Variants in RBKS observed in about 807,000 individuals in gnomAD.
The protein encoded by RBKS is ribokinase.
In RBKS, 33 loss-of-function variants were observed where a neutral mutation model predicts 33.9. The observed-to-expected ratio is 0.97, with a 90% CI of 0.74 to 1.30. The LOEUF is 1.30. RBKS is among the 50% of genes most tolerant of loss of function. RBKS has a pLI of 0.00. For synonymous variants in RBKS, 125 were observed against 143.0 expected (o/e 0.87, Z 0.90); for missense variants, 361 against 392.6 (o/e 0.92, Z 0.68).
chr2:27,876,539 G>T (rs896879711), intron 1 of RBKS, among the ~76,000 whole-genome samples: 1 of 152,110 alleles, frequency 6.6e-6, no homozygotes, highest in Non-Finnish European at 1.5e-5. Context: ...AGGACGTTAT[G>T]CTAAGTGAAA....
chr2:27,823,976 A>G (rs1678265371), intron 7 of RBKS, among the ~76,000 whole-genome samples: 2 of 152,138 alleles, frequency 1.3e-5, no homozygotes, highest in South Asian at 4.1e-4. Flanking sequence ...TTGTCCGACC[A>G]TTACCACTGA....
At chr2:27,866,839 C>T (rs1021930582) in intron 1 of RBKS, among the ~76,000 whole-genome samples, 1 of 152,152 alleles carries the variant, frequency 6.6e-6, no homozygotes, top group Admixed American at 6.5e-5. Flanking sequence ...CATGGTTGCT[C>T]ATGCCTGTAA....
intron 7 of RBKS, among the ~76,000 whole-genome samples, chr2:27,819,271 CTT>C (rs1399265918): frequency 6.6e-6 from 1 of 151,928 alleles, no homozygotes; most frequent in Non-Finnish European, 1.5e-5. Context: ...TCACATGACT[CTT>C]TGTGTGCACA....
chr2:27,834,410 T>G (rs972927154), intron 5 of RBKS, among the ~76,000 whole-genome samples: 1 of 152,234 alleles, frequency 6.6e-6, no homozygotes, highest in African/African-American at 2.4e-5. Flanking sequence ...AGAAAATGGA[T>G]GTAAAAGCCC....
rs897010468 is a variant in RBKS, at chr2:27,796,115, T to C, written c.796-14327A>G. On this transcript the variant is annotated intron_variant, in intron 7 of 7. Transcript: ENST00000302188. ...TTAGGTTGCCATGGCCCAGAGTTAC[T>C]TGACATTCTCATTGTTGAATCTATT... Among the ~76,000 whole-genome samples the C allele has an allele frequency of 2.0e-5, 3 of 152,354 alleles. No individual in the cohort carries two copies. The South Asian group carries it at 6.2e-4, about 32-fold the overall frequency.
At chr2:27,808,402 C>G (rs1677931597) in intron 7 of RBKS, among the ~76,000 whole-genome samples, 1 of 152,202 alleles carries the variant, frequency 6.6e-6, no homozygotes. Flanking sequence ...ATAGTAACTG[C>G]ATCACTTGGA....
chr2:27,866,575 A>AT (rs952370302), intron 1 of RBKS, among the ~76,000 whole-genome samples: 35 of 151,570 alleles, frequency 2.3e-4, no homozygotes, highest in Non-Finnish European at 1.0e-4. Flanking sequence ...GACACTGTGC[A>AT]TTTTTTTTCT....
chr2:27,886,117 G>C (rs991513924), intron 1 of RBKS, among the ~76,000 whole-genome samples: 1 of 152,108 alleles, frequency 6.6e-6, no homozygotes, highest in African/African-American at 2.4e-5. Flanking sequence ...AAATATAAGT[G>C]AGTATTAAAT....
intron 1 of RBKS, among the ~76,000 whole-genome samples, chr2:27,876,484 G>C (rs1286999275): frequency 6.6e-6 from 1 of 152,102 alleles, no homozygotes; most frequent in East Asian, 1.9e-4. Flanking sequence ...CTTAAATTTA[G>C]ATAATCTCTA....
chr2:27,825,798 G>C (rs1328826221), intron 7 of RBKS, among the ~76,000 whole-genome samples: 3 of 152,182 alleles, frequency 2.0e-5, no homozygotes, highest in East Asian at 3.8e-4. Context: ...CCTTTTTCCT[G>C]CATAAGCCTG....
intron 1 of RBKS, among the ~76,000 whole-genome samples, chr2:27,874,227 T>C (rs1191674866): frequency 3.3e-5 from 5 of 152,226 alleles, no homozygotes; most frequent in Non-Finnish European, 7.3e-5. Flanking sequence ...TTTAGTATGA[T>C]AACTATGGAA....
At chr2:27,823,488 A>C (rs1407325938) in intron 7 of RBKS, among the ~76,000 whole-genome samples, 1 of 152,146 alleles carries the variant, frequency 6.6e-6, no homozygotes, top group East Asian at 1.9e-4. Context: ...AAAAGCGAGA[A>C]GGTTACAAAC....
At chr2:27,819,990 T>G (rs891946570) in intron 7 of RBKS, among the ~76,000 whole-genome samples, 2 of 152,184 alleles carry the variant, frequency 1.3e-5, no homozygotes, top group African/African-American at 4.8e-5. Context: ...GTCCATCCAT[T>G]CAGAGTTTAT....
rs1664415090 is a variant in RBKS at position 27,881,443 on chromosome 2, A to T, written c.89+8814T>A. ...GTAGTCCCAGTTACTCGGGAGGCTG[A>T]GGCAGGAGAATTGCTTGAATCTGGG... On this transcript the variant is annotated intron_variant, in intron 1 of 7. Coordinates refer to ENST00000302188, the MANE Select transcript of RBKS (RefSeq NM_022128.3). Among the ~76,000 whole-genome samples, 3 of 152,106 alleles carry T rather than the reference A, an allele frequency of 2.0e-5. No homozygotes were observed. The South Asian group carries it at 6.2e-4, about 32-fold the overall frequency.
chr2:27,881,063 C>CAAACAAACAAACA (rs1481374502), intron 1 of RBKS, among the ~76,000 whole-genome samples: 1 of 147,806 alleles, frequency 6.8e-6, no homozygotes, highest in Non-Finnish European at 1.5e-5. Context: ...ACCAACCAAC[C>CAAACAAACAAACA]AACAAACAAA....
At chr2:27,840,393 CA>C (rs1175471848) in intron 5 of RBKS, among the ~76,000 whole-genome samples, 13 of 151,620 alleles carry the variant, frequency 8.6e-5, no homozygotes, top group East Asian at 1.9e-4. Context: ...CACACACACA[CA>C]CCCTCCTCAT....
chr2:27,791,613 T>TACACAC (rs59707075), intron 7 of RBKS, among the ~76,000 whole-genome samples: 3,691 of 140,614 alleles, frequency 0.026, 237 homozygotes, highest in African/African-American at 0.096. Context: ...ATAATAAATC[T>TACACAC]ACACACACAC....
intron 2 of RBKS, among the ~76,000 whole-genome samples, chr2:27,849,795 G>A (rs1473743099): frequency 6.6e-6 from 1 of 152,160 alleles, no homozygotes; most frequent in East Asian, 1.9e-4. Context: ...TAGCCCTCTA[G>A]CTCTTTCAGA....
chr2:27,828,394 G>C (rs1026230842), intron 6 of RBKS, among the ~76,000 whole-genome samples: 3 of 152,160 alleles, frequency 2.0e-5, no homozygotes, highest in African/African-American at 7.2e-5. Flanking sequence ...CTGTAAGTTT[G>C]GCACCTAAGG....
Sources: allele counts gnomAD v4.1 joint callset (sites outside exome capture counted in the v4.1 genomes callset), GRCh38; gene constraint gnomAD v4.1.1; transcripts MANE v1.5; gene names NCBI Gene and HGNC (gene_info 2026-07-23, HGNC 2026-07-21).